The following FNDC3B variants were observed in gnomAD, a reference collection of about 807,000 sequenced individuals.
FNDC3B encodes the protein fibronectin type III domain-containing protein 3B.
Under a neutral mutation model 151.5 loss-of-function variants are expected in FNDC3B, and 12 were observed. The observed-to-expected ratio is 0.08, with a 90% confidence interval of 0.05 to 0.13. The LOEUF (loss-of-function observed/expected upper bound fraction) is 0.13. Ranked by LOEUF, FNDC3B falls within the 10% of genes least tolerant of loss-of-function variation. FNDC3B has a pLI of 1.00. For missense variants in FNDC3B, 1,214 were observed against 1,505.3 expected, an observed-to-expected ratio of 0.81 and a Z score of 3.20; for synonymous variants, 528 against 549.0, an observed-to-expected ratio of 0.96 and a Z score of 0.54.
At chr3:172,167,453 G>A (rs924810246) in intron 3 of FNDC3B, among the ~76,000 whole-genome samples, 33 of 152,206 alleles carry the variant, frequency 2.2e-4, no homozygotes, top group Admixed American at 1.8e-3. Context: ...GTTCACCCTT[G>A]TGTCTTCAGT....
intron 15 of FNDC3B, 174 bp downstream of exon 15, chr3:172,335,256 A>G (rs758896603): frequency 8.6e-5 from 43 of 498,336 alleles, no homozygotes; most frequent in Non-Finnish European, 1.3e-4. Context: ...ACAAATTGGA[A>G]TGGACAATTT....
At chr3:172,197,397 A>G (rs1724894028) in intron 3 of FNDC3B, among the ~76,000 whole-genome samples, 2 of 152,274 alleles carry the variant, frequency 1.3e-5, no homozygotes, top group African/African-American at 2.4e-5. Context: ...GATGCCCATC[A>G]ACCCTGAATA....
intron 10 of FNDC3B, 104 bp downstream of exon 10, chr3:172,307,605 A>T: frequency 8.6e-7 from 1 of 1,163,308 alleles, no homozygotes; most frequent in South Asian, 1.4e-5. Flanking sequence ...AGGAGGGGGG[A>T]TCACTTGAAC....
chr3:172,314,832 A>G (rs1240836700), intron 11 of FNDC3B, among the ~76,000 whole-genome samples: 1 of 152,210 alleles, frequency 6.6e-6, no homozygotes, highest in African/African-American at 2.4e-5. Context: ...TGGAACCCTA[A>G]TGGGGAGCAG....
At chr3:172,079,701 A>C (rs1718187208) in intron 1 of FNDC3B, among the ~76,000 whole-genome samples, 1 of 152,140 alleles carries the variant, frequency 6.6e-6, no homozygotes, top group Admixed American at 6.5e-5. Flanking sequence ...TTTTAAAGAG[A>C]GGTGCTGGGT....
intron 4 of FNDC3B, chr3:172,237,733 A>G (rs1727240861): frequency 1.3e-5 from 2 of 152,256 alleles, no homozygotes; most frequent in African/African-American, 2.4e-5. Context: ...TTGATCACCT[A>G]TAAAACAGAC....
chr3:172,262,894 C>CAAAAAAAAAAAAAAAAAAA (rs67891835), intron 6 of FNDC3B, among the ~76,000 whole-genome samples: 2 of 60,636 alleles, frequency 3.3e-5, no homozygotes, highest in African/African-American at 1.3e-4. Context: ...GAGACCGACT[C>CAAAAAAAAAAAAAAAAAAA]AAAAAAAAAA....
chr3:172,136,625 C>A (rs1019298993), intron 3 of FNDC3B, among the ~76,000 whole-genome samples: 3 of 152,198 alleles, frequency 2.0e-5, no homozygotes, highest in African/African-American at 7.2e-5. Flanking sequence ...ATGGAAATTT[C>A]TGAAAGAAAT....
intron 1 of FNDC3B, among the ~76,000 whole-genome samples, chr3:172,108,943 G>C (rs552239356): frequency 2.6e-5 from 4 of 152,268 alleles, no homozygotes; most frequent in African/African-American, 7.2e-5. Context: ...TAGTTGGGCA[G>C]TTCCTTGCCT....
At chr3:172,315,399 C>T (rs1731729067) in intron 11 of FNDC3B, among the ~76,000 whole-genome samples, 2 of 152,178 alleles carry the variant, frequency 1.3e-5, no homozygotes, top group Non-Finnish European at 2.9e-5. Flanking sequence ...AAGGAATTTA[C>T]AGGTGTCATT....
chr3:172,113,395 G>A (rs1366620584), intron 2 of FNDC3B, among the ~76,000 whole-genome samples: 1 of 152,114 alleles, frequency 6.6e-6, no homozygotes, highest in Non-Finnish European at 1.5e-5. Context: ...GTCAGTACAT[G>A]CCCCCTGCTC....
In FNDC3B at chr3:172,182,218, T is replaced by G. The variant is rs1723948802; in HGVS notation, c.188-44653T>G. Among the ~76,000 whole-genome samples the G allele has an allele frequency of 2.6e-5, 4 of 152,160 alleles. 1 individual carries two copies. Among genetic ancestry groups the G allele is most frequent in the Admixed American group, 2.6e-4 (4 of 15,268 alleles). ...AGCAGCAAGTGAAGGCTGGGCTCAGTGGAGGAGAACAATTCTAGGAGCTGG... is the reference window on the plus strand; with the variant it reads ...AGCAGCAAGTGAAGGCTGGGCTCAGGGGAGGAGAACAATTCTAGGAGCTGG... On this transcript the variant is annotated intron_variant, in intron 3 of 25. Transcript: ENST00000415807.
At chr3:172,254,398 A>G (rs1295466319) in intron 6 of FNDC3B, among the ~76,000 whole-genome samples, 1 of 152,072 alleles carries the variant, frequency 6.6e-6, no homozygotes, top group African/African-American at 2.4e-5. Context: ...GATAATGTAT[A>G]ATCAGCCAAG....
intron 7 of FNDC3B, among the ~76,000 whole-genome samples, chr3:172,292,130 A>C (rs892909870): frequency 6.6e-6 from 1 of 152,220 alleles, no homozygotes; most frequent in Non-Finnish European, 1.5e-5. Flanking sequence ...CCATTGCCTA[A>C]ACAAGGGAAA....
chr3:172,238,902 A>C (rs1423784977), intron 4 of FNDC3B, among the ~76,000 whole-genome samples: 1 of 152,208 alleles, frequency 6.6e-6, no homozygotes, highest in Non-Finnish European at 1.5e-5. Context: ...TAAGAAGATC[A>C]GGAATGATAG....
At chr3:172,192,850 T>C (rs1724603102) in intron 3 of FNDC3B, among the ~76,000 whole-genome samples, 1 of 152,080 alleles carries the variant, frequency 6.6e-6, no homozygotes, top group Non-Finnish European at 1.5e-5. Context: ...GAGTTGACTG[T>C]AACAAATGCA....
chr3:172,339,344 C>T (rs780054060), intron 16 of FNDC3B, among the ~76,000 whole-genome samples: 20 of 152,040 alleles, frequency 1.3e-4, no homozygotes, highest in Non-Finnish European at 1.8e-4. Context: ...GGGTGGATCA[C>T]GAGGTCAGGA....
chr3:172,299,498 G>T (rs1730793122), intron 9 of FNDC3B, among the ~76,000 whole-genome samples: 1 of 152,140 alleles, frequency 6.6e-6, no homozygotes, highest in Non-Finnish European at 1.5e-5. Flanking sequence ...TTGCCAATAA[G>T]AAGGTCTGAA....
intron 15 of FNDC3B, 199 bp downstream of exon 15, chr3:172,335,281 C>A: frequency 4.5e-6 from 2 of 439,824 alleles, no homozygotes; most frequent in Non-Finnish European, 7.9e-6. Context: ...AAAATGTAAT[C>A]GTAATGGACA....
Sources: gnomAD v4.1 joint callset for allele counts (sites outside exome capture counted in the v4.1 genomes callset) on GRCh38, gnomAD v4.1.1 for gene constraint, MANE v1.5 for transcripts, NCBI Gene and HGNC (gene_info 2026-07-23, HGNC 2026-07-21) for gene names.